The following NLGN1 variants were observed in gnomAD, a reference collection of about 807,000 sequenced individuals.
The protein encoded by NLGN1 is neuroligin-1.
A neutral mutation model predicts 65.5 loss-of-function variants in NLGN1; 12 were observed. The observed-to-expected ratio is 0.18, with a 90% CI of 0.12 to 0.30. The LOEUF (loss-of-function observed/expected upper bound fraction) is 0.30, where lower values mean the gene tolerates loss of function less well. NLGN1 is among the 10% of genes least tolerant of loss of function. The pLI is 1.00. For missense variants in NLGN1, 750 were observed against 1,007.1 expected, an observed-to-expected ratio of 0.74 and a Z score of 3.46; for synonymous variants, 350 against 359.5, an observed-to-expected ratio of 0.97 and a Z score of 0.30.
intron 4 of NLGN1, among the ~76,000 whole-genome samples, chr3:174,184,785 T>C (rs1364116806): frequency 1.3e-5 from 2 of 152,166 alleles, no homozygotes; most frequent in Middle Eastern, 3.2e-3. Flanking sequence ...CTATATCATG[T>C]AGTTCATGAT....
At chr3:173,483,514 A>G (rs2148976835) in intron 2 of NLGN1, among the ~76,000 whole-genome samples, 1 of 152,258 alleles carries the variant, frequency 6.6e-6, no homozygotes, top group East Asian at 1.9e-4. Context: ...ATTCAAACAT[A>G]CCAGATGTTA....
chr3:173,931,067 G>A (rs1174875047), intron 4 of NLGN1, among the ~76,000 whole-genome samples: 2 of 152,068 alleles, frequency 1.3e-5, no homozygotes, highest in Non-Finnish European at 2.9e-5. Flanking sequence ...TACATTTATG[G>A]AGCCTAATCT....
intron 2 of NLGN1, among the ~76,000 whole-genome samples, chr3:173,586,721 C>T (rs922667759): frequency 6.6e-5 from 10 of 152,006 alleles, no homozygotes; most frequent in African/African-American, 1.4e-4. Context: ...AGGTTAGTCT[C>T]TTTTTACTCT....
At chr3:173,717,242 T>A (rs1259535887) in intron 3 of NLGN1, among the ~76,000 whole-genome samples, 2 of 152,198 alleles carry the variant, frequency 1.3e-5, no homozygotes, top group African/African-American at 4.8e-5. Flanking sequence ...TCTAAAATGG[T>A]TGTGTTTTAT....
At chr3:173,515,630 A>T (rs1733699147) in intron 2 of NLGN1, among the ~76,000 whole-genome samples, 1 of 152,118 alleles carries the variant, frequency 6.6e-6, no homozygotes, top group Non-Finnish European at 1.5e-5. Context: ...TCTTACATCT[A>T]AGTGTTTAAT....
intron 4 of NLGN1, among the ~76,000 whole-genome samples, chr3:174,141,380 CAA>C (rs1224411049): frequency 6.6e-6 from 1 of 151,406 alleles, no homozygotes; most frequent in East Asian, 1.9e-4. Context: ...TGCCAAAATT[CAA>C]AATGTCTCAT....
At chr3:174,212,036 G>T (rs192433760) in intron 4 of NLGN1, among the ~76,000 whole-genome samples, 1 of 152,146 alleles carries the variant, frequency 6.6e-6, no homozygotes, top group Non-Finnish European at 1.5e-5. Context: ...GTGTTCGCCC[G>T]GGAGGCTCGG....
intron 4 of NLGN1, among the ~76,000 whole-genome samples, chr3:174,127,924 T>C (rs1376440562): frequency 2.0e-5 from 3 of 152,168 alleles, no homozygotes; most frequent in African/African-American, 7.2e-5. Flanking sequence ...TGGTGGGGGC[T>C]ATGATAAAAC....
chr3:173,593,942 A>G (rs1273898702), intron 2 of NLGN1, among the ~76,000 whole-genome samples: 1 of 152,206 alleles, frequency 6.6e-6, no homozygotes, highest in Non-Finnish European at 1.5e-5. Context: ...TACCATGAGA[A>G]CAGTATGGGT....
chr3:173,787,077 CAAA>C (rs5854539), intron 3 of NLGN1, among the ~76,000 whole-genome samples: 4 of 143,248 alleles, frequency 2.8e-5, no homozygotes, highest in Admixed American at 7.0e-5. Context: ...AACTCCGTCT[CAAA>C]AAAAAAAAAA....
At chr3:173,552,393 T>C (rs1461370257) in intron 2 of NLGN1, among the ~76,000 whole-genome samples, 1 of 152,110 alleles carries the variant, frequency 6.6e-6, no homozygotes, top group Non-Finnish European at 1.5e-5. Flanking sequence ...CAGATAATAA[T>C]TGTTAGCAGT....
chr3:173,909,436 G>A (rs1739125168), intron 4 of NLGN1, among the ~76,000 whole-genome samples: 1 of 152,146 alleles, frequency 6.6e-6, no homozygotes, highest in African/African-American at 2.4e-5. Flanking sequence ...ATAGGGATTT[G>A]TGTGTATCCT....
intron 4 of NLGN1, among the ~76,000 whole-genome samples, chr3:173,870,544 C>T (rs953442369): frequency 3.3e-5 from 5 of 152,144 alleles, no homozygotes; most frequent in African/African-American, 9.7e-5. Flanking sequence ...TTGGTTTTGA[C>T]TGTTCAGTAA....
chr3:174,131,293 A>C (rs953625336), intron 4 of NLGN1, among the ~76,000 whole-genome samples: 9 of 152,194 alleles, frequency 5.9e-5, no homozygotes, highest in African/African-American at 2.2e-4. Flanking sequence ...CTACTCTGTT[A>C]ATAAGTGTAT....
chr3:173,985,703 A>G (rs1474947257), intron 4 of NLGN1, among the ~76,000 whole-genome samples: 2 of 152,180 alleles, frequency 1.3e-5, no homozygotes, highest in Non-Finnish European at 2.9e-5. Context: ...TAATCCCAGC[A>G]CTTTGGGAGG....
intron 4 of NLGN1, among the ~76,000 whole-genome samples, chr3:174,086,653 G>A (rs1038881498): frequency 1.3e-5 from 2 of 151,690 alleles, no homozygotes; most frequent in African/African-American, 4.8e-5. Flanking sequence ...TACATTTGTG[G>A]TGAAATTTAT....
At chr3:174,108,122 G>T (rs1432921135) in intron 4 of NLGN1, among the ~76,000 whole-genome samples, 3 of 152,008 alleles carry the variant, frequency 2.0e-5, no homozygotes, top group Admixed American at 1.3e-4. Context: ...ATCTTTCACA[G>T]AGCAATTTTT....
intron 4 of NLGN1, among the ~76,000 whole-genome samples, chr3:174,240,124 A>C (rs1232587188): frequency 6.6e-6 from 1 of 152,188 alleles, no homozygotes. Context: ...AAGGATACCA[A>C]GAGAATTAAA....
chr3:174,190,715 C>G (rs1050991834), intron 4 of NLGN1, among the ~76,000 whole-genome samples: 2 of 152,046 alleles, frequency 1.3e-5, no homozygotes, highest in African/African-American at 4.8e-5. Context: ...CTGCTTTGTA[C>G]TTATACATTA....
Sources: allele counts gnomAD v4.1 joint callset (sites outside exome capture counted in the v4.1 genomes callset), GRCh38; gene constraint gnomAD v4.1.1; transcripts MANE v1.5; gene names NCBI Gene and HGNC (gene_info 2026-07-23, HGNC 2026-07-21).